The following SPATA13 variants were observed in gnomAD, a reference collection of about 807,000 sequenced individuals.
SPATA13 encodes the protein spermatogenesis associated 13.
A neutral mutation model predicts 104.0 loss-of-function variants in SPATA13; 50 were observed. The observed-to-expected ratio is 0.48, with a 90% CI of 0.38 to 0.61. The LOEUF is 0.61. Among genes scored for constraint, SPATA13 ranks in the 20% least tolerant of loss-of-function variants. SPATA13 has a pLI of 0.00. For synonymous variants in SPATA13, 606 were observed against 667.5 expected (o/e 0.91, Z 1.42); for missense variants, 1,524 against 1,690.6 (o/e 0.90, Z 1.73).
chr13:24,012,875 G>A (rs1876538495), intron 2 of SPATA13, among the ~76,000 whole-genome samples: 1 of 152,184 alleles, frequency 6.6e-6, no homozygotes, highest in African/African-American at 2.4e-5. Flanking sequence ...CACGGGCTTG[G>A]GCTGGGCTCC....
chr13:24,244,810 CTGTGATTGT>C (rs1247319482), intron 2 of SPATA13, among the ~76,000 whole-genome samples: 1 of 152,230 alleles, frequency 6.6e-6, no homozygotes, highest in Non-Finnish European at 1.5e-5. Flanking sequence ...CTGCAGTGAG[CTGTGATTGT>C]ACCACTGCCT....
At chr13:24,290,918 C>A (rs766311753) in intron 9 of SPATA13, 34 bp downstream of exon 9, 4 of 1,549,768 alleles carry the variant, frequency 2.6e-6, no homozygotes, top group African/African-American at 1.4e-5. Flanking sequence ...CAGGTGAGAG[C>A]ACTGCTGCCA....
At chr13:24,137,695 G>T (rs1881619165) in intron 3 of SPATA13, among the ~76,000 whole-genome samples, 1 of 152,116 alleles carries the variant, frequency 6.6e-6, no homozygotes, top group African/African-American at 2.4e-5. Context: ...GGGGGCGGAG[G>T]TTGCAGTGAG....
chr13:24,189,172 T>G (rs1312217099), intron 1 of SPATA13, among the ~76,000 whole-genome samples: 1 of 152,112 alleles, frequency 6.6e-6, no homozygotes, highest in Non-Finnish European at 1.5e-5. Flanking sequence ...TGTCTTATCA[T>G]TTAAGAAATA....
chr13:24,201,060 CACACACA>C (rs1382149715), intron 1 of SPATA13, among the ~76,000 whole-genome samples: 1 of 105,236 alleles, frequency 9.5e-6, no homozygotes, highest in East Asian at 3.4e-4. Flanking sequence ...CACACACACA[CACACACA>C]GAGTTTGGAT....
At chr13:24,294,902 A>G in intron 10 of SPATA13, 34 bp downstream of exon 10, 1 of 1,584,210 alleles carries the variant, frequency 6.3e-7, no homozygotes. Flanking sequence ...ATCCCATGCC[A>G]CTCGCCCTTC....
At chr13:24,072,278 C>T (rs533776322) in intron 3 of SPATA13, among the ~76,000 whole-genome samples, 10 of 152,302 alleles carry the variant, frequency 6.6e-5, no homozygotes, top group Admixed American at 6.5e-4. Context: ...TGTTGTCTCT[C>T]TTTAAGTACC....
chr13:24,294,196 C>T (rs763709514), intron 9 of SPATA13, among the ~76,000 whole-genome samples: 26 of 152,152 alleles, frequency 1.7e-4, no homozygotes, highest in Admixed American at 2.6e-4. Context: ...ACGGAAAGCA[C>T]CAGAAAGGAA....
At chr13:24,220,591 G>C (rs972429184) in intron 1 of SPATA13, among the ~76,000 whole-genome samples, 1 of 152,224 alleles carries the variant, frequency 6.6e-6, no homozygotes, top group African/African-American at 2.4e-5. Flanking sequence ...TCTCATCGCA[G>C]AGATGATTCA....
At chr13:24,055,618 A>C (rs1347400325) in intron 3 of SPATA13, among the ~76,000 whole-genome samples, 1 of 152,244 alleles carries the variant, frequency 6.6e-6, no homozygotes, top group Non-Finnish European at 1.5e-5. Context: ...GGCAGGAAAC[A>C]GAAGTATTCG....
chr13:24,077,764 G>A (rs1372324476), intron 3 of SPATA13, among the ~76,000 whole-genome samples: 3 of 152,258 alleles, frequency 2.0e-5, no homozygotes, highest in African/African-American at 4.8e-5. Context: ...GAAAATGCAT[G>A]CCCATCTCCA....
At chr13:24,210,460 A>G (rs529877942) in intron 1 of SPATA13, among the ~76,000 whole-genome samples, 1 of 152,156 alleles carries the variant, frequency 6.6e-6, no homozygotes, top group South Asian at 2.1e-4. Flanking sequence ...TAGGAGGCCA[A>G]TTTTATTATT....
intron 5 of SPATA13, among the ~76,000 whole-genome samples, chr13:24,284,749 G>T (rs918661976): frequency 6.6e-6 from 1 of 152,154 alleles, no homozygotes; most frequent in Non-Finnish European, 1.5e-5. Context: ...GAGGCAGCTC[G>T]TCTTTTTAGG....
chr13:24,115,925 G>A (rs188943935), intron 3 of SPATA13, among the ~76,000 whole-genome samples: 27 of 152,294 alleles, frequency 1.8e-4, no homozygotes, highest in Non-Finnish European at 3.4e-4. Flanking sequence ...CTTACAACCT[G>A]GTAGCTGGCT....
intron 4 of SPATA13, among the ~76,000 whole-genome samples, chr13:24,263,414 A>G (rs1874152469): frequency 6.6e-6 from 1 of 152,002 alleles, no homozygotes; most frequent in African/African-American, 2.4e-5. Context: ...CTCACTTTAT[A>G]CTCATGCCAA....
intron 12 of SPATA13, 155 bp downstream of exon 12, chr13:24,300,630 A>G (rs1877117000): frequency 1.5e-6 from 1 of 675,210 alleles, no homozygotes. Flanking sequence ...GGCCAGGTGA[A>G]GGTGGCCTGT....
intron 2 of SPATA13, among the ~76,000 whole-genome samples, chr13:24,015,582 C>T (rs1487232027): frequency 6.6e-6 from 1 of 152,328 alleles, no homozygotes; most frequent in Non-Finnish European, 1.5e-5. Flanking sequence ...GGCCACCTGG[C>T]CCCTCTGCTT....
intron 4 of SPATA13, among the ~76,000 whole-genome samples, chr13:24,280,463 C>G (rs996102173): frequency 5.3e-5 from 8 of 151,576 alleles, no homozygotes; most frequent in Non-Finnish European, 1.2e-4. Context: ...GGTGGGAAGC[C>G]CCAATGCCTT....
intron 3 of SPATA13, among the ~76,000 whole-genome samples, chr13:24,118,630 T>A (rs1334045333): frequency 6.6e-6 from 1 of 152,152 alleles, no homozygotes; most frequent in Non-Finnish European, 1.5e-5. Context: ...ATCTGCATTT[T>A]CACCAAGTTC....
Sources: allele counts gnomAD v4.1 joint callset (sites outside exome capture counted in the v4.1 genomes callset), GRCh38; gene constraint gnomAD v4.1.1; transcripts MANE v1.5; gene names NCBI Gene and HGNC (gene_info 2026-07-23, HGNC 2026-07-21).